Variants in C11orf65 observed in about 807,000 individuals in gnomAD.
The protein encoded by C11orf65 is protein MFI.
A neutral mutation model predicts 35.3 loss-of-function variants in C11orf65; 38 were observed. The ratio of observed to expected loss-of-function variants is 1.08; its 90% CI spans 0.83 to 1.41. The LOEUF is 1.41. C11orf65 is among the 40% of genes most tolerant of loss of function. C11orf65 has a pLI of 0.00. For synonymous variants in C11orf65, 105 were observed against 114.4 expected, an observed-to-expected ratio of 0.92 and a Z score of 0.53; for missense variants, 370 against 367.1, an observed-to-expected ratio of 1.01 and a Z score of -0.06.
chr11:108,342,090 G>A (rs2087651565), intron 2 of C11orf65, among the ~76,000 whole-genome samples: 1 of 151,708 alleles, frequency 6.6e-6, no homozygotes, highest in Admixed American at 6.6e-5. Context: ...GATTTTTTTT[G>A]CAGTTTTTTT....
At chr11:108,396,272 T>TA (rs1434027433) in intron 6 of C11orf65, among the ~76,000 whole-genome samples, 1 of 151,760 alleles carries the variant, frequency 6.6e-6, no homozygotes, top group Admixed American at 6.6e-5. Flanking sequence ...TTTGTATTTT[T>TA]AGTAGAGATG....
chr11:108,377,479 C>T (rs1451930430), intron 2 of C11orf65, among the ~76,000 whole-genome samples: 3 of 152,178 alleles, frequency 2.0e-5, no homozygotes, highest in African/African-American at 4.8e-5. Flanking sequence ...TGGGACGTAT[C>T]TCAAAATAAT....
chr11:108,466,878 C>T (rs534941575), intron 1 of C11orf65, among the ~76,000 whole-genome samples: 2 of 152,306 alleles, frequency 1.3e-5, no homozygotes, highest in South Asian at 4.1e-4. Context: ...TTTGTTTCCT[C>T]TACTAAATTT....
At chr11:108,349,211 C>CT (rs2088866396) in intron 2 of C11orf65, among the ~76,000 whole-genome samples, 1 of 152,148 alleles carries the variant, frequency 6.6e-6, no homozygotes, top group Admixed American at 6.6e-5. Flanking sequence ...TCAATAGTAT[C>CT]TGATACAGAA....
chr11:108,353,119 G>C (rs1218606898), intron 2 of C11orf65, among the ~76,000 whole-genome samples: 1 of 152,074 alleles, frequency 6.6e-6, no homozygotes, highest in Non-Finnish European at 1.5e-5. Context: ...CTTACAACTC[G>C]AAGTGAACAT....
In C11orf65 at chr11:108,393,389, AAAAGGG is replaced by A; in HGVS notation, c.561-17_561-12del. On this transcript the variant is annotated splice_polypyrimidine_tract_variant and intron_variant, in intron 6 of 8. Coordinates refer to ENST00000393084, the MANE Select transcript of C11orf65 (RefSeq NM_152587.5). ...CTTCCTGAGTAGTACCTAAATAGGC[AAAAGGG>A]AAAGAGAAGTAAATCTTTTGAAATA... 1 of 1,609,082 alleles carries A rather than the reference AAAAGGG, an allele frequency of 6.2e-7. No individual in the cohort carries two copies. The highest frequency in any genetic ancestry group is 8.5e-7 in the Non-Finnish European group (1 of 1,175,860).
downstream of C11orf65, among the ~76,000 whole-genome samples, chr11:108,381,305 T>C (rs2091860911): frequency 6.6e-6 from 1 of 152,204 alleles, no homozygotes; most frequent in Admixed American, 6.5e-5. Flanking sequence ...ACTGAGTCCA[T>C]GTAGCCACTG....
At chr11:108,412,794 C>T (rs1046977615) in intron 3 of C11orf65, among the ~76,000 whole-genome samples, 6 of 152,006 alleles carry the variant, frequency 3.9e-5, no homozygotes, top group African/African-American at 9.7e-5. Flanking sequence ...ACTAATAGAA[C>T]GAAAGCTGAG....
intron 2 of C11orf65, among the ~76,000 whole-genome samples, chr11:108,441,204 C>A (rs570938113): frequency 6.6e-6 from 1 of 152,350 alleles, no homozygotes; most frequent in Admixed American, 6.5e-5. Context: ...GTCCCACACC[C>A]ACGGAACCTT....
rs1331070718 is a variant in C11orf65 at position 108,393,325 on chromosome 11, A to T, written c.614T>A (p.Leu205Gln). ...CAGCCCCTTTGTTGCAGTGTGAATT[A>T]GTCCTAGAGTTTCATGATGTGTTGA... ...AKSTHHETLG[L>Q]IHTATKGLIR... The change falls in exon 7 of 9, where the codon CTA becomes CAA. Residue 205 changes from leucine to glutamine, a missense_variant. Leu to Gln is a moderately radical substitution (Grantham distance 113). Transcript: ENST00000393084. 2 of 1,614,102 alleles carry T rather than the reference A, an allele frequency of 1.2e-6. No homozygotes were observed. The highest frequency in any genetic ancestry group is 3.3e-5 in the Admixed American group (2 of 60,020).
chr11:108,433,826 T>C (rs2093027512), intron 2 of C11orf65, among the ~76,000 whole-genome samples: 1 of 151,342 alleles, frequency 6.6e-6, no homozygotes. Context: ...GGAAGGGAAA[T>C]CCTTCTACTG....
At chr11:108,316,664 C>A (rs543605694) in intron 6 of C11orf65, among the ~76,000 whole-genome samples, 1 of 149,000 alleles carries the variant, frequency 6.7e-6, no homozygotes, top group Non-Finnish European at 1.5e-5. Context: ...AATCCCAGCA[C>A]TTTGGGAGGC....
chr11:108,459,992 G>T (rs1351324483), intron 2 of C11orf65, among the ~76,000 whole-genome samples: 1 of 152,070 alleles, frequency 6.6e-6, no homozygotes, highest in African/African-American at 2.4e-5. Flanking sequence ...AGATTAGCTG[G>T]GTATAACAGT....
intron 2 of C11orf65, among the ~76,000 whole-genome samples, chr11:108,370,612 G>GT (rs199864432): frequency 0.016 from 2,335 of 147,262 alleles, 23 homozygotes; most frequent in Non-Finnish European, 0.025. Context: ...TTGCTGCAGG[G>GT]TTTTGTTTTG....
At chr11:108,395,989 T>C (rs1293190578) in intron 6 of C11orf65, among the ~76,000 whole-genome samples, 2 of 152,138 alleles carry the variant, frequency 1.3e-5, no homozygotes, top group Non-Finnish European at 2.9e-5. Flanking sequence ...GAACAATGAC[T>C]GGTACACAGT....
intron 3 of C11orf65, chr11:108,331,845 T>C (rs747021157): frequency 8.1e-6 from 13 of 1,605,330 alleles, no homozygotes; most frequent in Non-Finnish European, 1.1e-5. Flanking sequence ...TTTTTTTGTT[T>C]ATTTGCATAA....
At position 108,325,438 on chromosome 11, in the gene C11orf65, T is replaced by A. The variant is rs1158183992; in HGVS notation, c.641-16367A>T. ...CTACGCACAGTCATTTTGGAGATCC[T>A]GATGGAAAAGGAAATGGACAACTCA... is the stretch of plus-strand genomic sequence containing the variant. On this transcript the variant is annotated intron_variant, in intron 6 of 6. Coordinates refer to the C11orf65 transcript ENST00000525729. The A allele has an allele frequency of 1.2e-6, 2 of 1,613,598 alleles. No individual in the cohort carries two copies. The highest frequency in any genetic ancestry group is 2.7e-5 in the African/African-American group (2 of 74,876).
intron 2 of C11orf65, among the ~76,000 whole-genome samples, chr11:108,376,888 G>T (rs200224235): frequency 0.022 from 3,334 of 151,860 alleles, 91 homozygotes; most frequent in African/African-American, 0.069. Context: ...AGAAGAAATG[G>T]ATAAATTCCT....
intron 3 of C11orf65, among the ~76,000 whole-genome samples, chr11:108,429,972 C>T (rs1323125233): frequency 1.3e-5 from 2 of 151,846 alleles, no homozygotes; most frequent in African/African-American, 4.8e-5. Context: ...ATGATAGTTG[C>T]TGGGAGATAG....
Sources: allele counts gnomAD v4.1 joint callset (sites outside exome capture counted in the v4.1 genomes callset), GRCh38; gene constraint gnomAD v4.1.1; transcripts MANE v1.5; gene names NCBI Gene and HGNC (gene_info 2026-07-23, HGNC 2026-07-21).